The following PLAGL1 variants were observed in gnomAD, a reference collection of about 807,000 sequenced individuals.
PLAGL1 encodes zinc finger protein PLAGL1.
In PLAGL1, 1 loss-of-function variant was observed where a neutral mutation model predicts 4.6. The observed-to-expected ratio is 0.22, with a 90% CI of 0.08 to 1.03. The LOEUF is 1.03. Ranked by LOEUF, PLAGL1 falls within the 50% of genes least tolerant of loss-of-function variation. The pLI is 0.58. For missense variants in PLAGL1, 464 were observed against 570.4 expected (o/e 0.81, Z 1.90); for synonymous variants, 240 against 237.8 (o/e 1.01, Z -0.08).
At chr6:144,052,505 G>A (rs1036654827) in intron 1 of PLAGL1, among the ~76,000 whole-genome samples, 1 of 152,210 alleles carries the variant, frequency 6.6e-6, no homozygotes, top group African/African-American at 2.4e-5. Flanking sequence ...TCTATCTCCT[G>A]TCTAGCACTC....
upstream of PLAGL1, among the ~76,000 whole-genome samples, chr6:144,011,646 T>TTG (rs1795196784): frequency 6.6e-6 from 1 of 152,300 alleles, no homozygotes; most frequent in South Asian, 2.1e-4. The surrounding 1 kb of genome is among the most constrained non-coding windows in gnomAD (Gnocchi z 4.3). Context: ...GGGCTGAATG[T>TTG]TGTTTCTATC....
intron 1 of PLAGL1, among the ~76,000 whole-genome samples, chr6:144,052,844 T>C (rs1382116142): frequency 1.3e-5 from 2 of 152,124 alleles, no homozygotes; most frequent in African/African-American, 2.4e-5. Context: ...GTGTTTAAAT[T>C]CTCCACATCC....
chr6:144,012,512 C>T (rs1467360365), upstream of PLAGL1, among the ~76,000 whole-genome samples: 3 of 152,186 alleles, frequency 2.0e-5, no homozygotes. The surrounding 1 kb of genome is among the most constrained non-coding windows in gnomAD (Gnocchi z 4.8). Context: ...GCTGGGATTA[C>T]AGACGTGAGC....
chr6:144,007,044 G>A (rs956105197), intron 1 of PLAGL1: 2 of 152,182 alleles, frequency 1.3e-5, no homozygotes, highest in Non-Finnish European at 2.9e-5. Context: ...TGAATACCCA[G>A]GCGTGCAACT....
chr6:144,038,828 G>T (rs572588282), intron 1 of PLAGL1, among the ~76,000 whole-genome samples: 1 of 152,292 alleles, frequency 6.6e-6, no homozygotes, highest in East Asian at 1.9e-4. Flanking sequence ...GGCTAAAAGT[G>T]ATGAAAGGAG....
intron 1 of PLAGL1, among the ~76,000 whole-genome samples, chr6:144,049,112 A>G (rs1798397477): frequency 6.6e-6 from 1 of 152,250 alleles, no homozygotes; most frequent in Non-Finnish European, 1.5e-5. Flanking sequence ...CTCTTTGCTA[A>G]AGCATAGCAA....
intron 1 of PLAGL1, among the ~76,000 whole-genome samples, chr6:144,062,319 G>A (rs979121671): frequency 6.6e-6 from 1 of 151,390 alleles, no homozygotes; most frequent in Non-Finnish European, 1.5e-5. Flanking sequence ...AGAGGTTGCA[G>A]TGAACCAAGA....
At chr6:144,023,300 TATG>T (rs1456420510) in intron 1 of PLAGL1, among the ~76,000 whole-genome samples, 1 of 152,182 alleles carries the variant, frequency 6.6e-6, no homozygotes, top group Non-Finnish European at 1.5e-5. Context: ...AGCTATTGTG[TATG>T]ATAACATAGT....
rs1795567452 is a variant in PLAGL1 at position 144,016,389 on chromosome 6, G to A, written c.-150-47411C>T. Among the ~76,000 whole-genome samples the A allele has an allele frequency of 6.6e-6, 1 of 152,190 alleles. No homozygotes were observed. Among genetic ancestry groups the A allele is most frequent in the African/African-American group, 2.4e-5 (1 of 41,452 alleles). On this transcript the variant is annotated intron_variant, in intron 1 of 3. Coordinates refer to the PLAGL1 transcript ENST00000437412. The surrounding 1 kb of genome is among the most constrained non-coding windows in gnomAD (Gnocchi z 4.2). Reference sequence around the variant, plus strand: ...CTAGATTATGCCCACCAGATTAAGGGTGGATCTGCCTTCCCCAGACCACTG... The same window carrying A: ...CTAGATTATGCCCACCAGATTAAGGATGGATCTGCCTTCCCCAGACCACTG...
Position 144,016,999 on chromosome 6 carries a change from T to C in PLAGL1, c.-151+47469A>G, listed in dbSNP as rs996308902. On this transcript the variant is annotated intron_variant, in intron 1 of 3. Transcript: ENST00000437412. This position sits in a 1 kb window ranked among gnomAD's most constrained non-coding sequence, Gnocchi z 4.2. Reference sequence around the variant, plus strand: ...CTAGAGCCTTCTCTTGGACTCCTAATCCAGTGTTCTTTTATAATAGTAAGC... The same window carrying C: ...CTAGAGCCTTCTCTTGGACTCCTAACCCAGTGTTCTTTTATAATAGTAAGC... Among the ~76,000 whole-genome samples, 5 of 152,106 alleles carry C rather than the reference T, an allele frequency of 3.3e-5. No homozygotes were observed. Among genetic ancestry groups the C allele is most frequent in the African/African-American group, 1.2e-4 (5 of 41,400 alleles).
chr6:143,969,622 CA>C (rs547356186), intron 2 of PLAGL1, among the ~76,000 whole-genome samples: 163 of 139,494 alleles, frequency 1.2e-3, no homozygotes, highest in East Asian at 7.0e-3. Flanking sequence ...CAATCTCTAC[CA>C]AAAAAAAAAA....
intron 1 of PLAGL1, among the ~76,000 whole-genome samples, chr6:144,031,201 G>A (rs1796798418): frequency 6.6e-6 from 1 of 152,072 alleles, no homozygotes; most frequent in Non-Finnish European, 1.5e-5. Flanking sequence ...GGAATTGTTT[G>A]TTTTATTCTT....
chr6:143,990,207 G>A lies in PLAGL1; in HGVS notation c.-583-5033C>T, dbSNP rs144206578. Among the ~76,000 whole-genome samples, 598 of 151,614 alleles carry A rather than the reference G, an allele frequency of 3.9e-3. 1 individual carries two copies. Among genetic ancestry groups the A allele is most frequent in the Non-Finnish European group, 6.4e-3 (438 of 67,928 alleles). The stretch of plus-strand genomic sequence containing the variant: ...ATGATCTCAGCTCACTGCAACCTCC[G>A]CCTACCGGGTTCAAGCGATTATCTT... On this transcript the variant is annotated intron_variant, in intron 1 of 7. Transcript: ENST00000674357. The surrounding 1 kb of genome is among the most constrained non-coding windows in gnomAD (Gnocchi z 5.4).
intron 1 of PLAGL1, among the ~76,000 whole-genome samples, chr6:144,020,812 TTATA>T (rs1238411679): frequency 1.4e-5 from 2 of 145,218 alleles, no homozygotes; most frequent in Non-Finnish European, 3.0e-5. Flanking sequence ...CTATATATAT[TTATA>T]TATTATATTA....
chr6:144,008,732 T>C (rs186166234), upstream of PLAGL1: 22 of 152,308 alleles, frequency 1.4e-4, no homozygotes, highest in African/African-American at 5.3e-4. This position sits in a 1 kb window ranked among gnomAD's most constrained non-coding sequence, Gnocchi z 6.9. Context: ...CAAACTAACT[T>C]ACCTCCTGTG....
intron 1 of PLAGL1, among the ~76,000 whole-genome samples, chr6:143,987,537 T>C (rs1789501454): frequency 6.9e-6 from 1 of 144,838 alleles, no homozygotes; most frequent in Non-Finnish European, 1.5e-5. Flanking sequence ...CACCTTGGCC[T>C]CCCAAAGTAA....
chr6:143,953,526 T>C lies in PLAGL1; in HGVS notation c.-324-5066A>G, dbSNP rs934746309. On this transcript the variant is annotated intron_variant, in intron 6 of 7. Transcript: ENST00000674357. This position sits in a 1 kb window ranked among gnomAD's most constrained non-coding sequence, Gnocchi z 5.3. Reference sequence around the variant, plus strand: ...TCAAATCCACATCCTAGCCAGAACATCTGAAAAGGGACAGGGTGTGTTCTG... The same window carrying C: ...TCAAATCCACATCCTAGCCAGAACACCTGAAAAGGGACAGGGTGTGTTCTG... Among the ~76,000 whole-genome samples, 1 of 152,198 alleles carries C rather than the reference T, an allele frequency of 6.6e-6. No homozygotes were observed. The highest frequency in any genetic ancestry group is 1.5e-5 in the Non-Finnish European group (1 of 68,040).
intron 1 of PLAGL1, among the ~76,000 whole-genome samples, chr6:143,993,170 G>C (rs1790856612): frequency 6.6e-6 from 1 of 151,878 alleles, no homozygotes; most frequent in African/African-American, 2.4e-5. Context: ...AGCTGGGTGT[G>C]GTGGGTGCCT....
At chr6:144,041,527 G>A (rs557017066) in intron 1 of PLAGL1, among the ~76,000 whole-genome samples, 423 of 152,170 alleles carry the variant, frequency 2.8e-3, no homozygotes, top group Middle Eastern at 6.8e-3. Context: ...CTTTTTTATG[G>A]CTGCATAGTA....
Sources: allele counts gnomAD v4.1 joint callset (sites outside exome capture counted in the v4.1 genomes callset), GRCh38; gene constraint gnomAD v4.1.1; non-coding constraint Gnocchi (gnomAD v3.1); transcripts MANE v1.5; gene names NCBI Gene and HGNC (gene_info 2026-07-23, HGNC 2026-07-21).